CR1L: variants seen among roughly 807,000 people sequenced by gnomAD.
CR1L encodes the protein complement component receptor 1-like protein.
In CR1L, 59 loss-of-function variants were observed where a neutral mutation model predicts 62.3. The ratio of observed to expected loss-of-function variants is 0.95; its 90% CI spans 0.77 to 1.18. The LOEUF is 1.18. CR1L is among the 50% of genes most tolerant of loss of function. CR1L has a pLI of 0.00. For missense variants in CR1L, 700 were observed against 702.8 expected, an observed-to-expected ratio of 1.00 and a Z score of 0.04; for synonymous variants, 279 against 248.7, an observed-to-expected ratio of 1.12 and a Z score of -1.15.
At chr1:207,667,248 A>T (rs933491095) in intron 1 of CR1L, among the ~76,000 whole-genome samples, 1 of 152,222 alleles carries the variant, frequency 6.6e-6, no homozygotes, top group African/African-American at 2.4e-5. Flanking sequence ...AAACAACACA[A>T]ATCTATTCTT....
rs747217383 is a variant in CR1L at position 207,723,684 on chromosome 1, A to C, written c.1709A>C (p.Ter570SerextTer2). The C allele has an allele frequency of 1.3e-6, 2 of 1,564,848 alleles. No homozygotes were observed. Among genetic ancestry groups the C allele is most frequent in the South Asian group, 2.3e-5 (2 of 87,074 alleles). The change falls in exon 12 of 12, where the codon TAA becomes TCA. Residue 570 changes from the stop codon to serine, a stop_lost. Transcript: ENST00000508064. The stretch of plus-strand genomic sequence containing the variant: ...TTTGCTGAGGAATTCTGTCATCTTT[A>C]ACAGTAAGTACCTACTTATAATGAA... Reference protein sequence around the residue: ...EVFAEEFCHL* With the variant: ...EVFAEEFCHLS
intron 9 of CR1L, among the ~76,000 whole-genome samples, chr1:207,705,423 G>A (rs762776309): frequency 6.6e-6 from 1 of 152,180 alleles, no homozygotes; most frequent in Non-Finnish European, 1.5e-5. Flanking sequence ...CCAGCTGTTG[G>A]TGCTCACCCT....
intron 9 of CR1L, among the ~76,000 whole-genome samples, chr1:207,705,064 C>T (rs1198989079): frequency 6.6e-6 from 1 of 152,168 alleles, no homozygotes; most frequent in Non-Finnish European, 1.5e-5. Flanking sequence ...GCTTCTGGAG[C>T]CCCAGGCCTT....
At chr1:207,654,210 T>C (rs993140283) in intron 1 of CR1L, among the ~76,000 whole-genome samples, 4 of 152,122 alleles carry the variant, frequency 2.6e-5, no homozygotes, top group African/African-American at 9.7e-5. Context: ...ACAATAGCAA[T>C]AATACACTAT....
intron 1 of CR1L, chr1:207,653,137 G>A (rs1663255079): frequency 1.2e-5 from 2 of 172,586 alleles, no homozygotes; most frequent in South Asian, 2.9e-4. Flanking sequence ...TTGCAAATGG[G>A]ACTTATGAGC....
At chr1:207,656,517 G>C (rs1348551390) in intron 1 of CR1L, among the ~76,000 whole-genome samples, 1 of 152,084 alleles carries the variant, frequency 6.6e-6, no homozygotes, top group Non-Finnish European at 1.5e-5. Context: ...CTGAGACTGG[G>C]TAATTTATAA....
chr1:207,694,102 C>A (rs1664034194), intron 4 of CR1L, among the ~76,000 whole-genome samples: 1 of 152,000 alleles, frequency 6.6e-6, no homozygotes, highest in Non-Finnish European at 1.5e-5. Context: ...ATACTATAAT[C>A]AAAGGGCTAT....
At chr1:207,707,544 C>T (rs1309284592) in intron 9 of CR1L, among the ~76,000 whole-genome samples, 1 of 152,148 alleles carries the variant, frequency 6.6e-6, no homozygotes, top group Non-Finnish European at 1.5e-5. Context: ...AGGAGAATTG[C>T]TTGAACTCGG....
At chr1:207,666,711 G>A (rs1018463774) in intron 1 of CR1L, among the ~76,000 whole-genome samples, 1 of 152,226 alleles carries the variant, frequency 6.6e-6, no homozygotes, top group African/African-American at 2.4e-5. Flanking sequence ...GAGGGTAGAG[G>A]ATAGGAAGAG....
Position 207,697,863 on chromosome 1 carries a change from T to C in CR1L, c.1132T>C (p.Cys378Arg). The change falls in exon 7 of 12, where the codon TGT (cysteine) becomes CGT (arginine). Residue 378 changes from cysteine to arginine, a missense_variant. Transcript: ENST00000508064. ...GCTTGGAGCAAAAGTGGATTTTGTT[T>C]GTGATGAAGGGTGAGTATGAGCTTG... ...LQLGAKVDFVCDEGFQLKGSS... is the reference protein window; with the variant it reads ...LQLGAKVDFVRDEGFQLKGSS... 1 of 1,613,978 alleles carries C rather than the reference T, an allele frequency of 6.2e-7. No individual in the cohort carries two copies. The highest frequency in any genetic ancestry group is 8.5e-7 in the Non-Finnish European group (1 of 1,179,880).
intron 1 of CR1L, among the ~76,000 whole-genome samples, chr1:207,673,463 C>T (rs760727901): frequency 7.9e-5 from 12 of 152,178 alleles, no homozygotes; most frequent in Non-Finnish European, 1.6e-4. Flanking sequence ...GAGTGTACTT[C>T]GGGTTGACAG....
chr1:207,686,597 C>T (rs1663916039), intron 4 of CR1L, among the ~76,000 whole-genome samples: 1 of 152,116 alleles, frequency 6.6e-6, no homozygotes, highest in Non-Finnish European at 1.5e-5. Context: ...AATACTTAAT[C>T]ATTTTTATAT....
intron 1 of CR1L, chr1:207,655,137 A>T: frequency 2.3e-6 from 1 of 436,728 alleles, no homozygotes; most frequent in African/African-American, 2.0e-5. Flanking sequence ...CTTCATTATT[A>T]TGTGTCTTAT....
At chr1:207,659,073 G>C (rs1663365275) in intron 1 of CR1L, 1 of 152,904 alleles carries the variant, frequency 6.5e-6, no homozygotes, top group African/African-American at 2.4e-5. Flanking sequence ...CCACCTCCCA[G>C]CTCCAGCTAC....
chr1:207,654,692 A>G (rs1348873760), intron 1 of CR1L, among the ~76,000 whole-genome samples: 3 of 152,190 alleles, frequency 2.0e-5, no homozygotes, highest in Non-Finnish European at 4.4e-5. Flanking sequence ...AACTTATCTA[A>G]TCTCCTAAAC....
At chr1:207,665,486 T>C (rs1238263512) in intron 1 of CR1L, among the ~76,000 whole-genome samples, 1 of 151,542 alleles carries the variant, frequency 6.6e-6, no homozygotes, top group Non-Finnish European at 1.5e-5. Flanking sequence ...AACCTCCATC[T>C]CCAGGGTTCA....
Position 207,694,580 on chromosome 1 carries a change from A to T in CR1L, c.691A>T (p.Thr231Ser). ...TCAGTGCATTATACCTAACAAATGC[A>T]CGCCTCCAAATGTGGAAAATGGAAT... ...APQCIIPNKC[T>S]PPNVENGILV... The change falls in exon 5 of 12, where the codon ACG (threonine) becomes TCG (serine). Residue 231 changes from threonine to serine, a missense_variant. Physicochemically the swap from Thr to Ser is moderately conservative, Grantham distance 58. Transcript: ENST00000508064. 1 of 1,612,138 alleles carries T rather than the reference A, an allele frequency of 6.2e-7. No homozygotes were observed. Among genetic ancestry groups the T allele is most frequent in the Non-Finnish European group, 8.5e-7 (1 of 1,179,752 alleles).
At chr1:207,671,136 C>G (rs1266874791) in intron 1 of CR1L, among the ~76,000 whole-genome samples, 1 of 150,988 alleles carries the variant, frequency 6.6e-6, no homozygotes, top group East Asian at 1.9e-4. Context: ...CCTTCAGTGT[C>G]CACGTGTATA....
chr1:207,662,776 T>C (rs1235481273), intron 1 of CR1L, among the ~76,000 whole-genome samples: 2 of 152,216 alleles, frequency 1.3e-5, no homozygotes, highest in African/African-American at 4.8e-5. Flanking sequence ...ATCTTTGTAG[T>C]TTTATCTACC....
Sources: allele counts gnomAD v4.1 joint callset (sites outside exome capture counted in the v4.1 genomes callset), GRCh38; gene constraint gnomAD v4.1.1; transcripts MANE v1.5; gene names NCBI Gene and HGNC (gene_info 2026-07-23, HGNC 2026-07-21).